The following HIVEP3 variants were observed in gnomAD, a reference collection of about 807,000 sequenced individuals.
HIVEP3 encodes HIVEP zinc finger 3.
In HIVEP3, 49 loss-of-function variants were observed where a neutral mutation model predicts 152.8. That is an observed-to-expected ratio of 0.32 (90% confidence interval 0.26 to 0.41). The LOEUF is 0.41. Among genes scored for constraint, HIVEP3 ranks in the 10% least tolerant of loss-of-function variants. HIVEP3 has a pLI of 1.00. For synonymous variants in HIVEP3, 1,269 were observed against 1,289.0 expected (o/e 0.98, Z 0.33); for missense variants, 2,790 against 3,103.3 (o/e 0.90, Z 2.40).
At position 42,007,105 on chromosome 1, in the gene HIVEP3, G is replaced by A. The variant is rs192831612; in HGVS notation, n.119+28702C>T. 5.3e-5 allele frequency among the ~76,000 whole-genome samples: 8 copies of A among 152,318 alleles called. No homozygotes were observed. In the East Asian group the frequency reaches 1.5e-3, roughly 29 times the overall value. On this transcript the variant is annotated intron_variant and non_coding_transcript_variant, in intron 1 of 3. Transcript: ENST00000489103. The stretch of plus-strand genomic sequence containing the variant: ...ATAAGCACAATTATGAAATACAATA[G>A]AGCTGAGTCAGTCAAGTATTCAACT...
At chr1:41,763,672 T>G (rs1352550898) in intron 1 of HIVEP3, among the ~76,000 whole-genome samples, 1 of 152,230 alleles carries the variant, frequency 6.6e-6, no homozygotes, top group Non-Finnish European at 1.5e-5. Context: ...ACAAAATATA[T>G]CATATAGTAA....
intron 1 of HIVEP3, among the ~76,000 whole-genome samples, chr1:41,937,571 G>T (rs919936165): frequency 6.6e-5 from 10 of 152,256 alleles, no homozygotes; most frequent in Middle Eastern, 6.8e-3. Flanking sequence ...GCATCTCAAA[G>T]ACTCAGAAGG....
chr1:41,670,551 G>A (rs1250005454), intron 2 of HIVEP3, among the ~76,000 whole-genome samples: 1 of 152,188 alleles, frequency 6.6e-6, no homozygotes, highest in Non-Finnish European at 1.5e-5. Flanking sequence ...TGTTCTAGGG[G>A]AAAGAGACAG....
rs139344417 is a variant in HIVEP3, at chr1:41,721,466, A to G, written c.-800-20471T>C. On this transcript the variant is annotated intron_variant, in intron 1 of 8. Coordinates refer to ENST00000372583, the MANE Select transcript of HIVEP3 (RefSeq NM_024503.5). ...GGTGATCCGCCCACCTCGGCCTCCC[A>G]AAGTGCTGGGATTACAGATGTGAGC... Among the ~76,000 whole-genome samples, 534 of 152,276 alleles carry G rather than the reference A, an allele frequency of 3.5e-3. 5 individuals are homozygous for G. The highest frequency in any genetic ancestry group is 0.012 in the African/African-American group (498 of 41,542).
intron 1 of HIVEP3, among the ~76,000 whole-genome samples, chr1:41,728,025 C>T (rs1273698120): frequency 6.6e-6 from 1 of 152,120 alleles, no homozygotes; most frequent in African/African-American, 2.4e-5. Context: ...GGAGAGTATC[C>T]ACCATCTTAT....
In HIVEP3 at chr1:41,581,210, A is replaced by T. The variant is rs1644400729; in HGVS notation, c.3588T>A (p.Thr1196=). The part of the protein sequence containing the change: ...FQAPPLPLQP[T]VLHPGQLHLP... ...GATGGAGTTGGCCTGGGTGCAGAAC[A>T]GTAGGCTGGAGAGGAAGCGGTGGGG... The change falls in exon 4 of 9, where the codon ACT becomes ACA. Residue 1196 remains threonine (T), a synonymous_variant. Transcript: ENST00000372583. This position sits in a 1 kb window ranked among gnomAD's most constrained non-coding sequence, Gnocchi z 4.5. The T allele has an allele frequency of 2.5e-6, 4 of 1,568,704 alleles. No individual in the cohort carries two copies. In the East Asian group the frequency reaches 9.0e-5, roughly 35 times the overall value.
chr1:41,972,309 C>G lies in HIVEP3; in HGVS notation n.120-53785G>C, dbSNP rs1301412131. 1.4e-4 allele frequency among the ~76,000 whole-genome samples: 22 copies of G among 152,324 alleles called. No individual in the cohort carries two copies. The East Asian group carries it at 4.2e-3, about 29-fold the overall frequency. On this transcript the variant is annotated intron_variant and non_coding_transcript_variant, in intron 1 of 3. Coordinates refer to the HIVEP3 transcript ENST00000489103. ...CATGGTCCTTGCCATGTGGGGCTGCCATTGCAGCTGGCTCACCTAGAATGT... is the reference window on the plus strand; with the variant it reads ...CATGGTCCTTGCCATGTGGGGCTGCGATTGCAGCTGGCTCACCTAGAATGT...
In HIVEP3 at chr1:41,781,240, G is replaced by A. The variant is rs568487299; in HGVS notation, c.-800-80245C>T. Among the ~76,000 whole-genome samples, 134 of 152,274 alleles carry A rather than the reference G, an allele frequency of 8.8e-4. 1 individual carries two copies. Among genetic ancestry groups the A allele is most frequent in the South Asian group, 6.0e-3 (29 of 4,822 alleles). ...CTGAAGGGGTCCCTATCTTACCAGT[G>A]TACACAACCAGGTGGGGAAAGTTAT... On this transcript the variant is annotated intron_variant, in intron 1 of 8. Transcript: ENST00000372583.
intron 1 of HIVEP3, among the ~76,000 whole-genome samples, chr1:42,012,477 G>A (rs903774770): frequency 1.2e-4 from 19 of 152,196 alleles, no homozygotes; most frequent in Admixed American, 7.8e-4. Context: ...GATCATTTGA[G>A]GTCAAGAGTT....
intron 1 of HIVEP3, among the ~76,000 whole-genome samples, chr1:41,770,864 A>T (rs1349452317): frequency 6.6e-6 from 1 of 152,124 alleles, no homozygotes; most frequent in Non-Finnish European, 1.5e-5. Flanking sequence ...TAGTTCTGAC[A>T]CACCTACCAC....
intron 1 of HIVEP3, among the ~76,000 whole-genome samples, chr1:41,870,043 C>T (rs974518510): frequency 3.3e-5 from 5 of 152,122 alleles, no homozygotes; most frequent in Non-Finnish European, 5.9e-5. Context: ...AATGTGAGTG[C>T]GTCTGACTAA....
chr1:41,555,369 G>A (rs552592096), intron 5 of HIVEP3, among the ~76,000 whole-genome samples: 4 of 152,300 alleles, frequency 2.6e-5, no homozygotes, highest in South Asian at 2.1e-4. Context: ...ATATTTGGGC[G>A]GCAGTGTTCC....
chr1:41,947,988 C>T (rs561417495), intron 1 of HIVEP3, among the ~76,000 whole-genome samples: 26 of 152,348 alleles, frequency 1.7e-4, no homozygotes, highest in African/African-American at 5.5e-4. Context: ...GCCGCGACTG[C>T]GCACTTGTGC....
In HIVEP3 at chr1:41,564,531, T is replaced by C. The variant is rs74069927; in HGVS notation, c.5207+11013A>G. 4.4e-3 allele frequency among the ~76,000 whole-genome samples: 662 copies of C among 152,114 alleles called. 4 individuals carry two copies. Among genetic ancestry groups the C allele is most frequent in the African/African-American group, 0.015 (622 of 41,486 alleles). Reference sequence around the variant, plus strand: ...TCATGTTCTAGGGTTGTAGAGAAGATCCTAAGACAGGACCCTAAAGAAGGC... The same window carrying C: ...TCATGTTCTAGGGTTGTAGAGAAGACCCTAAGACAGGACCCTAAAGAAGGC... On this transcript the variant is annotated intron_variant, in intron 5 of 8. Coordinates refer to ENST00000372583, the MANE Select transcript of HIVEP3 (RefSeq NM_024503.5).
intron 1 of HIVEP3, among the ~76,000 whole-genome samples, chr1:41,837,094 C>T (rs1643146157): frequency 6.6e-6 from 1 of 152,214 alleles, no homozygotes; most frequent in East Asian, 1.9e-4. Context: ...AATTCCCGCC[C>T]AATGGCCTTC....
intron 1 of HIVEP3, among the ~76,000 whole-genome samples, chr1:41,942,103 T>C (rs1020761007): frequency 1.3e-5 from 2 of 152,232 alleles, no homozygotes; most frequent in Admixed American, 6.5e-5. Context: ...ATTAGAAATA[T>C]ATTTTCTTGC....
intron 1 of HIVEP3, among the ~76,000 whole-genome samples, chr1:41,705,821 C>T (rs1646425198): frequency 6.6e-6 from 1 of 152,202 alleles, no homozygotes; most frequent in South Asian, 2.1e-4. Context: ...AAGCAAGTTC[C>T]ATGCAGTCTT....
intron 1 of HIVEP3, among the ~76,000 whole-genome samples, chr1:41,796,917 C>T (rs1570559363): frequency 6.6e-6 from 1 of 152,324 alleles, no homozygotes; most frequent in Middle Eastern, 3.4e-3. Context: ...TCAACAGGCA[C>T]TAGTTTCTGT....
intron 1 of HIVEP3, among the ~76,000 whole-genome samples, chr1:42,021,013 G>A (rs897889731): frequency 3.9e-5 from 6 of 152,208 alleles, no homozygotes; most frequent in Admixed American, 6.5e-5. Flanking sequence ...AATCTAGGCA[G>A]AAGTCAGATT....
Sources: gnomAD v4.1 joint callset for allele counts (sites outside exome capture counted in the v4.1 genomes callset) on GRCh38, gnomAD v4.1.1 for gene constraint, Gnocchi (gnomAD v3.1) non-coding constraint, MANE v1.5 for transcripts, NCBI Gene and HGNC (gene_info 2026-07-23, HGNC 2026-07-21) for gene names.